The following NMNAT2 variants were observed in gnomAD, a reference collection of about 807,000 sequenced individuals.
NMNAT2 encodes the protein nicotinamide/nicotinic acid mononucleotide adenylyltransferase 2.
NMNAT2 carries 11 observed loss-of-function variants against 41.6 expected under a neutral mutation model. The ratio of observed to expected loss-of-function variants is 0.26; its 90% CI spans 0.17 to 0.44. The LOEUF (loss-of-function observed/expected upper bound fraction) is 0.44. Ranked by LOEUF, NMNAT2 falls within the 20% of genes least tolerant of loss-of-function variation. The probability of loss-of-function intolerance (pLI) is 1.00; values close to 1 mark genes in which losing one functional copy is unlikely to be tolerated. For synonymous variants in NMNAT2, 148 were observed against 151.2 expected, an observed-to-expected ratio of 0.98 and a Z score of 0.16; for missense variants, 288 against 407.7, an observed-to-expected ratio of 0.71 and a Z score of 2.53.
At chr1:183,413,602 C>CTTTTTT (rs71130613) in intron 1 of NMNAT2, among the ~76,000 whole-genome samples, 59 of 82,518 alleles carry the variant, frequency 7.1e-4, no homozygotes, top group African/African-American at 2.6e-3. Flanking sequence ...TCTTTTCTTT[C>CTTTTTT]TTTTTTTTTT....
intron 1 of NMNAT2, among the ~76,000 whole-genome samples, chr1:183,358,837 A>G (rs531148878): frequency 2.0e-5 from 3 of 152,340 alleles, no homozygotes; most frequent in Admixed American, 6.5e-5. Context: ...TGAAAGGTAC[A>G]GGACGGACGA....
At chr1:183,315,384 A>C (rs1052737587) in intron 1 of NMNAT2, among the ~76,000 whole-genome samples, 2 of 150,156 alleles carry the variant, frequency 1.3e-5, no homozygotes, top group Non-Finnish European at 3.0e-5. Context: ...TGTATCACGC[A>C]TGTCGGTAAC....
At chr1:183,375,112 A>C (rs907958716) in intron 1 of NMNAT2, among the ~76,000 whole-genome samples, 5 of 152,136 alleles carry the variant, frequency 3.3e-5, no homozygotes, top group Admixed American at 2.0e-4. Flanking sequence ...TTCCTAACTC[A>C]TGCCCCTACC....
chr1:183,304,086 T>C (rs982440124), intron 1 of NMNAT2, among the ~76,000 whole-genome samples: 4 of 152,268 alleles, frequency 2.6e-5, no homozygotes, highest in Non-Finnish European at 4.4e-5. Flanking sequence ...CTGTGACTCA[T>C]GATGGCAGCT....
chr1:183,356,117 G>T (rs150200946), intron 1 of NMNAT2, among the ~76,000 whole-genome samples: 2 of 152,218 alleles, frequency 1.3e-5, no homozygotes, highest in African/African-American at 4.8e-5. Context: ...ATTGAGAGGT[G>T]CACAATCTCA....
At chr1:183,362,654 G>A (rs187454961) in intron 1 of NMNAT2, among the ~76,000 whole-genome samples, 1 of 152,270 alleles carries the variant, frequency 6.6e-6, no homozygotes. Flanking sequence ...ATATAGCACA[G>A]TTTTTCATCA....
chr1:183,394,610 C>T (rs1306450171), intron 1 of NMNAT2, among the ~76,000 whole-genome samples: 1 of 152,190 alleles, frequency 6.6e-6, no homozygotes, highest in Non-Finnish European at 1.5e-5. Flanking sequence ...AACCATGGTT[C>T]TTTTGCCAGC....
chr1:183,304,621 T>C, intron 1 of NMNAT2: 1 of 1,563,394 alleles, frequency 6.4e-7, no homozygotes, highest in Non-Finnish European at 8.8e-7. Flanking sequence ...TGCACCTCCC[T>C]CCAGCTGCCC....
chr1:183,359,575 A>G (rs760092409), intron 1 of NMNAT2, among the ~76,000 whole-genome samples: 8 of 152,294 alleles, frequency 5.3e-5, no homozygotes, highest in Non-Finnish European at 1.0e-4. Flanking sequence ...GCGAGGTTGT[A>G]CTGGCCTTGG....
intron 1 of NMNAT2, among the ~76,000 whole-genome samples, chr1:183,297,508 G>A (rs6672141): frequency 0.44 from 66,818 of 151,168 alleles, 15,942 homozygotes; most frequent in Non-Finnish European, 0.51. Context: ...TCCGCCTCCC[G>A]AGTAGCTGGA....
At chr1:183,355,108 C>T (rs1663155558) in intron 1 of NMNAT2, among the ~76,000 whole-genome samples, 1 of 152,136 alleles carries the variant, frequency 6.6e-6, no homozygotes, top group South Asian at 2.1e-4. Context: ...TCTCCCACTC[C>T]CCTTGCCCCT....
At chr1:183,272,887 G>A (rs1237736842) in intron 8 of NMNAT2, among the ~76,000 whole-genome samples, 2 of 152,192 alleles carry the variant, frequency 1.3e-5, no homozygotes, top group Non-Finnish European at 2.9e-5. Flanking sequence ...CGGGGCCTAG[G>A]ACATTTCCTA....
chr1:183,362,128 G>A (rs568919272), intron 1 of NMNAT2, among the ~76,000 whole-genome samples: 3 of 152,008 alleles, frequency 2.0e-5, no homozygotes, highest in Non-Finnish European at 2.9e-5. Flanking sequence ...TTGTCAAGAC[G>A]GGATTTCTTC....
At chr1:183,404,550 T>C (rs1461411095) in intron 1 of NMNAT2, among the ~76,000 whole-genome samples, 3 of 152,226 alleles carry the variant, frequency 2.0e-5, no homozygotes, top group African/African-American at 7.2e-5. Context: ...AGGAACATCT[T>C]CTAACACAGA....
rs78700455 is a variant in NMNAT2 at position 183,286,191 on chromosome 1, C to T, written c.448+471G>A. On this transcript the variant is annotated intron_variant, in intron 5 of 10. Transcript: ENST00000287713. The stretch of plus-strand genomic sequence containing the variant: ...GGCTCAAGAGATCCTCCCACCTCAG[C>T]CTTCTGAGTAGCTGGGACTACAGGT... 2.3e-3 allele frequency among the ~76,000 whole-genome samples: 351 copies of T among 152,286 alleles called. 8 individuals carry two copies. In the East Asian group the frequency reaches 0.053, roughly 23 times the overall value.
intron 1 of NMNAT2, among the ~76,000 whole-genome samples, chr1:183,403,838 A>G (rs1158897898): frequency 1.3e-5 from 2 of 152,234 alleles, no homozygotes; most frequent in Non-Finnish European, 2.9e-5. Context: ...GGGAATCAGT[A>G]AGAAGGATTT....
At chr1:183,287,401 A>T (rs561109082) in intron 4 of NMNAT2, among the ~76,000 whole-genome samples, 102 of 152,310 alleles carry the variant, frequency 6.7e-4, no homozygotes, top group African/African-American at 2.4e-3. Flanking sequence ...CAGGCAGCAC[A>T]GGATGTGTTT....
At chr1:183,389,740 GAAAGAAAGAAAGAAAGAAA>G (rs1648383927) in intron 1 of NMNAT2, among the ~76,000 whole-genome samples, 1 of 6,306 alleles carries the variant, frequency 1.6e-4, no homozygotes, top group Non-Finnish European at 3.1e-4. Context: ...TGTCAAAAAA[GAAAGAAAGAAAGAAAGAAA>G]GAAAGAAAGA....
At chr1:183,406,660 A>G (rs1648962580) in intron 1 of NMNAT2, among the ~76,000 whole-genome samples, 1 of 152,190 alleles carries the variant, frequency 6.6e-6, no homozygotes, top group Non-Finnish European at 1.5e-5. Context: ...TGAAGATGCA[A>G]ACTTAACAAT....
Sources: allele counts gnomAD v4.1 joint callset (sites outside exome capture counted in the v4.1 genomes callset), GRCh38; gene constraint gnomAD v4.1.1; transcripts MANE v1.5; gene names NCBI Gene and HGNC (gene_info 2026-07-23, HGNC 2026-07-21).